Variants in UPK1B observed in about 807,000 individuals in gnomAD.
UPK1B encodes the protein uroplakin 1B, also known as uroplakin-1b.
In UPK1B, 28 loss-of-function variants were observed where a neutral mutation model predicts 34.2. The ratio of observed to expected loss-of-function variants is 0.82; its 90% confidence interval spans 0.61 to 1.12. The LOEUF (loss-of-function observed/expected upper bound fraction) is 1.12. Among genes scored for constraint, UPK1B ranks in the 50% most tolerant of loss-of-function variants. UPK1B has a pLI of 0.00. For synonymous variants in UPK1B, 81 were observed against 110.4 expected, an observed-to-expected ratio of 0.73 and a Z score of 1.67; for missense variants, 325 against 320.9, an observed-to-expected ratio of 1.01 and a Z score of -0.10.
intron 6 of UPK1B, among the ~76,000 whole-genome samples, chr3:119,198,301 T>C (rs1007724632): frequency 6.6e-6 from 1 of 152,196 alleles, no homozygotes; most frequent in Non-Finnish European, 1.5e-5. Flanking sequence ...GCCCTGGTTA[T>C]TGCATTTCCT....
chr3:119,188,065 G>T, intron 3 of UPK1B, 90 bp downstream of exon 3: 6 of 1,391,040 alleles, frequency 4.3e-6, no homozygotes, highest in Non-Finnish European at 5.1e-6. Flanking sequence ...GGCTTTCAGT[G>T]GGGGAGCAGG....
At chr3:119,176,593 C>A (rs1345097319) in intron 1 of UPK1B, among the ~76,000 whole-genome samples, 1 of 152,194 alleles carries the variant, frequency 6.6e-6, no homozygotes, top group African/African-American at 2.4e-5. Context: ...GGGCGGGGTG[C>A]ACAGGGGCTA....
At position 119,179,639 on chromosome 3, in the gene UPK1B, G is replaced by A. The variant is rs752052068; in HGVS notation, c.-29+6001G>A. 2.5e-3 allele frequency among the ~76,000 whole-genome samples: 365 copies of A among 145,434 alleles called. 2 individuals are homozygous for A. The highest frequency in any genetic ancestry group is 0.011 in the Middle Eastern group (3 of 272). ...ATTCTCCTGCCTCAGCCTCCCAAGT[G>A]GCTGGGACTACAGGCGCCTGCCACC... On this transcript the variant is annotated intron_variant, in intron 1 of 7. Transcript: ENST00000264234.
rs1370625597 is a variant in UPK1B, at chr3:119,204,314, C to T, written c.*347C>T. Reference sequence around the variant, plus strand: ...GTAACCCAGAGCTGTATTTGGCTAGCAATCTGCCTGTATCTCTCACTATTA... The same window carrying T: ...GTAACCCAGAGCTGTATTTGGCTAGTAATCTGCCTGTATCTCTCACTATTA... On this transcript the variant is annotated 3_prime_UTR_variant, in exon 8 of 8. Transcript: ENST00000264234. 4.2e-6 allele frequency: 1 copy of T among 235,326 alleles called. No homozygotes were observed. The highest frequency in any genetic ancestry group is 8.3e-6 in the Non-Finnish European group (1 of 120,754). 14.6% of individuals were successfully genotyped at this position (235,326 alleles called of 1,614,324 possible). A position where few individuals can be genotyped will look rare whatever the true frequency, so the allele number is the denominator to read the frequency against.
rs551720877 is a variant in UPK1B, at chr3:119,176,373, G to A, written c.-29+2735G>A. Among the ~76,000 whole-genome samples, 30 of 152,216 alleles carry A rather than the reference G, an allele frequency of 2.0e-4. No homozygotes were observed. In the South Asian group the frequency reaches 5.6e-3, roughly 28 times the overall value. On this transcript the variant is annotated intron_variant, in intron 1 of 7. Transcript: ENST00000264234. ...TTTGTTTAGTGAGCAATTGTTTTTA[G>A]ACCTTTCAATGTGTCTGGAAACATC...
At position 119,204,085 on chromosome 3, in the gene UPK1B, C is replaced by A; in HGVS notation, c.*118C>A. The A allele has an allele frequency of 8.5e-7, 1 of 1,177,936 alleles. No individual in the cohort carries two copies. The highest frequency in any genetic ancestry group is 1.2e-6 in the Non-Finnish European group (1 of 805,676). The allele number at this position is 1,177,936 out of a possible 1,614,324, so 73.0% of individuals were successfully genotyped here. ...ACACTAACGTGTGTGTCTTACATTG[C>A]CAAGTCAGATGGTACGGACTTCCTT... On this transcript the variant is annotated 3_prime_UTR_variant, in exon 8 of 8. Coordinates refer to ENST00000264234, the MANE Select transcript of UPK1B (RefSeq NM_006952.4).
At chr3:119,186,273 G>T (rs949168793) in intron 1 of UPK1B, among the ~76,000 whole-genome samples, 19 of 152,138 alleles carry the variant, frequency 1.2e-4, no homozygotes, top group Admixed American at 1.0e-3. Flanking sequence ...GTTTTTAAAA[G>T]CACCCTGCAG....
chr3:119,179,805 CTTTTTTTTTTTTTTTTTTTTTTTT>C (rs869040325), intron 1 of UPK1B, among the ~76,000 whole-genome samples: 1 of 50,598 alleles, frequency 2.0e-5, no homozygotes, highest in South Asian at 7.6e-4. Context: ...CCACGCCCGG[CTTTTTTTTTTTTTTTTTTTTTTTT>C]TTTTTTTTTT....
intron 1 of UPK1B, among the ~76,000 whole-genome samples, chr3:119,181,907 C>T (rs1413302521): frequency 6.6e-6 from 1 of 152,188 alleles, no homozygotes; most frequent in East Asian, 1.9e-4. Flanking sequence ...GCAGAATACT[C>T]TCTGAGTAAT....
At chr3:119,191,135 T>C in intron 5 of UPK1B, 31 bp downstream of exon 5, 11 of 1,611,738 alleles carry the variant, frequency 6.8e-6, no homozygotes, top group Non-Finnish European at 9.3e-6. Context: ...GAGATGCCAT[T>C]TTTACTTACT....
chr3:119,179,352 GATATATATATATAT>G (rs60685268), intron 1 of UPK1B, among the ~76,000 whole-genome samples: 659 of 46,862 alleles, frequency 0.014, 25 homozygotes, highest in African/African-American at 0.036. Flanking sequence ...GAGAGAGGGA[GATATATATATATAT>G]ATATATATAT....
intron 7 of UPK1B, among the ~76,000 whole-genome samples, chr3:119,202,497 G>A (rs540517773): frequency 1.3e-5 from 2 of 152,306 alleles, no homozygotes; most frequent in South Asian, 2.1e-4. Flanking sequence ...ATTAGACCCT[G>A]TTATTATTTC....
intron 5 of UPK1B, 34 bp from the exon 6 acceptor site, chr3:119,194,185 G>A (rs1172794365): frequency 1.1e-5 from 17 of 1,607,874 alleles, no homozygotes; most frequent in Middle Eastern, 1.7e-4. Flanking sequence ...TAGGGACCAC[G>A]AAAGAGAATT....
Position 119,204,002 on chromosome 3 carries a change from G to A in UPK1B, c.*35G>A. On this transcript the variant is annotated 3_prime_UTR_variant, in exon 8 of 8. Transcript: ENST00000264234. ...GTTGCCACCATACCTCCTTCCCCGAGTGACTCTGGATTTGGTGCTGGAACC... is the reference window on the plus strand; with the variant it reads ...GTTGCCACCATACCTCCTTCCCCGAATGACTCTGGATTTGGTGCTGGAACC... 3 of 1,610,500 alleles carry A rather than the reference G, an allele frequency of 1.9e-6. No homozygotes were observed. The highest frequency in any genetic ancestry group is 2.5e-6 in the Non-Finnish European group (3 of 1,177,798).
At chr3:119,180,210 A>C (rs2077983319) in intron 1 of UPK1B, among the ~76,000 whole-genome samples, 1 of 152,232 alleles carries the variant, frequency 6.6e-6, no homozygotes, top group Non-Finnish European at 1.5e-5. Flanking sequence ...CTTCTTCAGG[A>C]AACATCAGTT....
chr3:119,190,270 A>G lies in UPK1B; in HGVS notation c.296A>G (p.Tyr99Cys). The change falls in exon 4 of 8, where the codon TAT (tyrosine) becomes TGT (cysteine). Residue 99 changes from tyrosine to cysteine, a missense_variant. By Grantham distance (194) the Tyr-to-Cys change is radical (BLOSUM62 -2). Transcript: ENST00000264234. ...TATTTCATTCTGATGTTTATAGTATATGCCTTTGAAGTGGCATCTTGTATC... is the reference window on the plus strand; with the variant it reads ...TATTTCATTCTGATGTTTATAGTATGTGCCTTTGAAGTGGCATCTTGTATC... The part of the protein sequence containing the change: ...LAYFILMFIV[Y>C]AFEVASCITA... 1.2e-6 allele frequency: 2 copies of G among 1,612,364 alleles called. No individual in the cohort carries two copies. The highest frequency in any genetic ancestry group is 1.1e-5 in the South Asian group (1 of 90,832).
chr3:119,204,682 G>T lies in UPK1B; in HGVS notation c.*715G>T. 1 of 152,334 alleles carries T rather than the reference G, an allele frequency of 6.6e-6. No homozygotes were observed. The highest frequency in any genetic ancestry group is 1.5e-5 in the Non-Finnish European group (1 of 68,052). The allele number at this position is 152,334 out of a possible 1,614,324, so 9.4% of individuals were successfully genotyped here. Reference sequence around the variant, plus strand: ...ACCTGAGGTCAGGAGTTCAAGACCAGCCTGGCCAACATGGTGAAACCCCGT... The same window carrying T: ...ACCTGAGGTCAGGAGTTCAAGACCATCCTGGCCAACATGGTGAAACCCCGT... On this transcript the variant is annotated 3_prime_UTR_variant, in exon 8 of 8. Transcript: ENST00000264234.
rs562449642 is a variant in UPK1B at position 119,183,999 on chromosome 3, T to TATC, written c.-28-2713_-28-2711dup. ...ATTCAGAATATCTTGCCCACTGACA[T>TATC]ATCACCACCTTCCAATAACCAACCC... On this transcript the variant is annotated intron_variant, in intron 1 of 7. Transcript: ENST00000264234. Among the ~76,000 whole-genome samples, 746 of 152,310 alleles carry TATC rather than the reference T, an allele frequency of 4.9e-3. 1 individual carries two copies. Among genetic ancestry groups the TATC allele is most frequent in the Middle Eastern group, 0.01 (3 of 294 alleles).
chr3:119,195,979 TA>T (rs1216233980), intron 6 of UPK1B, among the ~76,000 whole-genome samples: 6 of 123,034 alleles, frequency 4.9e-5, no homozygotes, highest in African/African-American at 1.0e-4. Context: ...TCATCTGTTC[TA>T]ACAATTCCAC....
Sources: allele counts gnomAD v4.1 joint callset (sites outside exome capture counted in the v4.1 genomes callset), GRCh38; gene constraint gnomAD v4.1.1; transcripts MANE v1.5; gene names NCBI Gene and HGNC (gene_info 2026-07-23, HGNC 2026-07-21).